OSTC: variants seen among roughly 807,000 people sequenced by gnomAD.
OSTC encodes the protein oligosaccharyltransferase complex subunit OSTC.
A neutral mutation model predicts 16.4 loss-of-function variants in OSTC; 16 were observed. That is an observed-to-expected ratio of 0.98 (90% CI 0.66 to 1.49). The LOEUF is 1.49. Ranked by LOEUF, OSTC falls within the 40% of genes most tolerant of loss-of-function variation. The pLI is 0.00. For missense variants in OSTC, 139 were observed against 186.3 expected, an observed-to-expected ratio of 0.75 and a Z score of 1.48; for synonymous variants, 67 against 68.5, an observed-to-expected ratio of 0.98 and a Z score of 0.11.
chr4:108,666,876 G>A (rs929377620), intron 3 of OSTC, among the ~76,000 whole-genome samples: 9 of 145,204 alleles, frequency 6.2e-5, no homozygotes, highest in Admixed American at 2.8e-4. Flanking sequence ...GTGGTGGCAC[G>A]CGCCTGTAAT....
Position 108,657,514 on chromosome 4 carries a change from G to A in OSTC, c.298G>A (p.Gly100Ser). Residue 100 changes from glycine to serine, a missense_variant, in exon 3 of 4, where the codon GGT becomes AGT. Transcript: ENST00000361564. Reference protein sequence around the residue: ...SSFLFTMGGLGFIILDRSNAP... With the variant: ...SSFLFTMGGLSFIILDRSNAP... ...CTTCCTATTTACAATGGGAGGTTTA[G>A]GTTTCATAATCCTGGACCGATCGAA... The A allele has an allele frequency of 1.2e-6, 2 of 1,613,690 alleles. No individual in the cohort carries two copies. Among genetic ancestry groups the A allele is most frequent in the Non-Finnish European group, 1.7e-6 (2 of 1,179,682 alleles).
intron 3 of OSTC, among the ~76,000 whole-genome samples, chr4:108,658,531 A>G (rs1726770961): frequency 6.6e-6 from 1 of 152,078 alleles, no homozygotes; most frequent in Non-Finnish European, 1.5e-5. Context: ...AAGATCGTTT[A>G]TGGCATCTTT....
intron 3 of OSTC, among the ~76,000 whole-genome samples, chr4:108,665,144 G>A (rs1292372324): frequency 6.6e-6 from 1 of 152,156 alleles, no homozygotes; most frequent in Admixed American, 6.5e-5. Context: ...TTGAGTGTTT[G>A]CTGTGTGCCA....
chr4:108,655,580 T>G lies in OSTC; in HGVS notation c.156T>G (p.Val52=). Residue 52 remains valine (V), a synonymous_variant, in exon 2 of 4, where the codon GTT becomes GTG. Transcript: ENST00000361564. The stretch of plus-strand genomic sequence containing the variant: ...TTCTTATAGGAATAATTTATGATGT[T>G]ATTGTTGAACCTCCAAGTGTCGGTT... ...FLITGGIIYD[V]IVEPPSVGSM... 6.3e-7 allele frequency: 1 copy of G among 1,596,208 alleles called. No individual in the cohort carries two copies. The highest frequency in any genetic ancestry group is 8.6e-7 in the Non-Finnish European group (1 of 1,164,714).
chr4:108,659,695 G>A (rs550822205), intron 3 of OSTC, among the ~76,000 whole-genome samples: 3 of 152,232 alleles, frequency 2.0e-5, no homozygotes, highest in East Asian at 3.9e-4. Flanking sequence ...CGTGAACCCA[G>A]GAGGCAGAGC....
intron 3 of OSTC, among the ~76,000 whole-genome samples, chr4:108,666,869 G>T (rs1339807823): frequency 1.3e-5 from 2 of 151,838 alleles, no homozygotes; most frequent in Non-Finnish European, 2.9e-5. Flanking sequence ...GCCAGGTGTG[G>T]TGGCACGCGC....
In OSTC at chr4:108,650,649, C is replaced by T. The variant is rs911330039; in HGVS notation, c.-7C>T. 28 of 1,614,014 alleles carry T rather than the reference C, an allele frequency of 1.7e-5. No homozygotes were observed. Among genetic ancestry groups the T allele is most frequent in the Non-Finnish European group, 2.3e-5 (27 of 1,179,872 alleles). The stretch of plus-strand genomic sequence containing the variant: ...TGAGGCCGAGAACGGCCCTTGCTGC[C>T]ACCAACATGGAGACTTTGTACCGTG... On this transcript the variant is annotated 5_prime_UTR_variant, in exon 1 of 4. Coordinates refer to ENST00000361564, the MANE Select transcript of OSTC (RefSeq NM_021227.4).
chr4:108,656,971 C>T (rs1054330691), intron 2 of OSTC, among the ~76,000 whole-genome samples: 5 of 151,544 alleles, frequency 3.3e-5, no homozygotes, highest in Middle Eastern at 3.4e-3. Flanking sequence ...TGGTGGCACG[C>T]GCCTGTAGTC....
chr4:108,663,454 C>T (rs1726915464), intron 3 of OSTC: 3 of 307,010 alleles, frequency 9.8e-6, no homozygotes, highest in South Asian at 7.5e-5. Context: ...CCGCCTGCCA[C>T]GGCCTCCCAA....
At chr4:108,660,381 A>G (rs536803724) in intron 3 of OSTC, among the ~76,000 whole-genome samples, 8 of 152,210 alleles carry the variant, frequency 5.3e-5, no homozygotes, top group Admixed American at 3.9e-4. Context: ...GAGTGAGGAG[A>G]GACAATGGAC....
chr4:108,657,671 C>T (rs1320598814), intron 3 of OSTC, 24 bp downstream of exon 3: 1 of 1,558,756 alleles, frequency 6.4e-7, no homozygotes, highest in Non-Finnish European at 8.8e-7. Context: ...GTAATCAGCA[C>T]CTTATGTTGC....
At position 108,667,102 on chromosome 4, in the gene OSTC, CA is replaced by C. The variant is rs920881163; in HGVS notation, c.432-144del. The C allele has an allele frequency of 1.1e-4, 67 of 622,312 alleles. No homozygotes were observed. In the African/African-American group the frequency reaches 1.2e-3, roughly 11 times the overall value. The allele number at this position is 622,312 out of a possible 1,614,324, so 38.5% of individuals were successfully genotyped here. On this transcript the variant is annotated intron_variant, in intron 3 of 3. Coordinates refer to ENST00000361564, the MANE Select transcript of OSTC (RefSeq NM_021227.4). ...GGGGGGCAAAATATGAAATAAGGACCATAATAAAGAATCACGCAATTATATT... is the reference window on the plus strand; with the variant it reads ...GGGGGGCAAAATATGAAATAAGGACCTAATAAAGAATCACGCAATTATATT...
intron 2 of OSTC, among the ~76,000 whole-genome samples, chr4:108,656,636 G>A (rs930508347): frequency 2.6e-5 from 4 of 151,846 alleles, no homozygotes; most frequent in African/African-American, 9.7e-5. Context: ...GTTCACTGAA[G>A]TTCTTATGGG....
In OSTC at chr4:108,655,612, CTG is replaced by C; in HGVS notation, c.189_190del (p.Asp64Ter). The C allele has an allele frequency of 6.2e-7, 1 of 1,610,112 alleles. No homozygotes were observed. Among genetic ancestry groups the C allele is most frequent in the Non-Finnish European group, 8.5e-7 (1 of 1,176,676 alleles). ...GAACCTCCAAGTGTCGGTTCTATGA[CTG>C]ATGAACATGGGCATCAGAGGCCAGT... is the stretch of plus-strand genomic sequence containing the variant. On this transcript the variant is annotated frameshift_variant, in exon 2 of 4. Transcript: ENST00000361564. LOFTEE classifies it high-confidence loss of function.
At chr4:108,664,978 G>C (rs1482563321) in intron 3 of OSTC, among the ~76,000 whole-genome samples, 2 of 152,186 alleles carry the variant, frequency 1.3e-5, no homozygotes, top group African/African-American at 2.4e-5. Flanking sequence ...TGTGTTAGAT[G>C]AAAGTTCTCT....
At chr4:108,656,094 G>C (rs1319800917) in intron 2 of OSTC, among the ~76,000 whole-genome samples, 6 of 151,980 alleles carry the variant, frequency 3.9e-5, no homozygotes, top group Admixed American at 1.3e-4. Flanking sequence ...TTACTATATG[G>C]GTATTTAAGA....
intron 2 of OSTC, 83 bp from the exon 3 acceptor site, chr4:108,657,367 G>T: frequency 8.1e-7 from 1 of 1,233,522 alleles, no homozygotes; most frequent in Non-Finnish European, 1.1e-6. Flanking sequence ...AAATGTTTTG[G>T]CACAAAAACG....
intron 3 of OSTC, among the ~76,000 whole-genome samples, chr4:108,660,494 A>G (rs1726829158): frequency 6.6e-6 from 1 of 152,184 alleles, no homozygotes; most frequent in Admixed American, 6.5e-5. Context: ...ATTACACACA[A>G]CAGGGTTGTA....
In OSTC at chr4:108,657,515, GT is replaced by G. The variant is rs1306064723; in HGVS notation, c.302del (p.Phe101SerfsTer2). 1 of 1,613,626 alleles carries G rather than the reference GT, an allele frequency of 6.2e-7. No individual in the cohort carries two copies. Among genetic ancestry groups the G allele is most frequent in the Non-Finnish European group, 8.5e-7 (1 of 1,179,678 alleles). On this transcript the variant is annotated frameshift_variant, in exon 3 of 4. Transcript: ENST00000361564. LOFTEE classifies it high-confidence loss of function. The part of the protein sequence containing the change: ...SSFLFTMGGL[G>X]FIILDRSNAP... Reference sequence around the variant, plus strand: ...TTCCTATTTACAATGGGAGGTTTAGGTTTCATAATCCTGGACCGATCGAATG... The same window carrying G: ...TTCCTATTTACAATGGGAGGTTTAGGTTCATAATCCTGGACCGATCGAATG...
Sources: allele counts gnomAD v4.1 joint callset (sites outside exome capture counted in the v4.1 genomes callset), GRCh38; gene constraint gnomAD v4.1.1; transcripts MANE v1.5; gene names NCBI Gene and HGNC (gene_info 2026-07-23, HGNC 2026-07-21).